Variants in YTHDF3 observed in about 807,000 individuals in gnomAD.
YTHDF3 encodes the protein YTH domain-containing family protein 3.
A neutral mutation model predicts 52.5 loss-of-function variants in YTHDF3; 9 were observed. The ratio of observed to expected loss-of-function variants is 0.17; its 90% CI spans 0.10 to 0.30. The LOEUF is 0.30. YTHDF3 is among the 10% of genes least tolerant of loss of function. The pLI is 1.00. For missense variants in YTHDF3, 534 were observed against 715.0 expected (o/e 0.75, Z 2.89); for synonymous variants, 274 against 243.3 (o/e 1.13, Z -1.18).
intron 2 of YTHDF3, 121 bp from the exon 3 acceptor site, chr8:63,175,210 A>T (rs1807605349): frequency 1.5e-6 from 1 of 676,586 alleles, no homozygotes; most frequent in Non-Finnish European, 2.5e-6. Context: ...GGTTCTTAAA[A>T]ATAACTCAGT....
At chr8:63,178,204 C>T (rs569155819) in intron 3 of YTHDF3, among the ~76,000 whole-genome samples, 7 of 152,248 alleles carry the variant, frequency 4.6e-5, no homozygotes, top group Admixed American at 4.6e-4. Context: ...AGGGTTTCTA[C>T]TGGAGGAAAA....
At chr8:63,199,774 A>ATT (rs547279541) in intron 4 of YTHDF3, among the ~76,000 whole-genome samples, 4 of 149,914 alleles carry the variant, frequency 2.7e-5, no homozygotes, top group Admixed American at 2.0e-4. Context: ...TGGCTTAAAC[A>ATT]TTTTTTTTTT....
At position 63,168,917 on chromosome 8, in the gene YTHDF3, C is replaced by T; in HGVS notation, c.24+16C>T. On this transcript the variant is annotated intron_variant, in intron 1 of 4. Transcript: ENST00000539294. ...CGTGGATCAGGTGAGGGAGCAGAGG[C>T]CCCAGGCTTGGCGAAGGCCCGAGCC... is the stretch of plus-strand genomic sequence containing the variant. The T allele has an allele frequency of 6.4e-7, 1 of 1,550,834 alleles. No individual in the cohort carries two copies. Among genetic ancestry groups the T allele is most frequent in the Non-Finnish European group, 8.7e-7 (1 of 1,147,038 alleles).
At chr8:63,189,117 A>G (rs1015189098) in intron 4 of YTHDF3, 9 of 152,336 alleles carry the variant, frequency 5.9e-5, no homozygotes, top group East Asian at 1.9e-4. Flanking sequence ...TAATTCTGTT[A>G]TATACCCTCT....
rs1808592523 is a variant in YTHDF3 at position 63,187,377 on chromosome 8, A to G, written c.1366A>G (p.Asn456Asp). ...TTTGGATGCAGCTTACCGTTCCCTG[A>G]ATGGGAAAGGCCCACTCTATTTACT... is the stretch of plus-strand genomic sequence containing the variant. ...KRLDAAYRSLNGKGPLYLLFS... is the reference protein window; with the variant it reads ...KRLDAAYRSLDGKGPLYLLFS... Residue 456 changes from asparagine (N) to aspartate (D), a missense_variant, in exon 4 of 5, where the codon AAT becomes GAT. Transcript: ENST00000539294. The G allele has an allele frequency of 6.2e-7, 1 of 1,613,852 alleles. No individual in the cohort carries two copies. Among genetic ancestry groups the G allele is most frequent in the Non-Finnish European group, 8.5e-7 (1 of 1,179,904 alleles).
At chr8:63,181,216 A>G (rs1298143477) in intron 3 of YTHDF3, among the ~76,000 whole-genome samples, 5 of 152,118 alleles carry the variant, frequency 3.3e-5, no homozygotes, top group Non-Finnish European at 4.4e-5. Flanking sequence ...TTAAATTGTC[A>G]TTTTCTGCCC....
At position 63,187,535 on chromosome 8, in the gene YTHDF3, C is replaced by G. The variant is rs376889574; in HGVS notation, c.1524C>G (p.Val508=). 1.9e-6 allele frequency: 3 copies of G among 1,613,882 alleles called. No homozygotes were observed. The highest frequency in any genetic ancestry group is 3.3e-5 in the Admixed American group (2 of 60,012). The change falls in exon 4 of 5, where the codon GTC becomes GTG. Residue 508 remains valine, a synonymous_variant. Coordinates refer to ENST00000539294, the MANE Select transcript of YTHDF3 (RefSeq NM_152758.6). Reference sequence around the variant, plus strand: ...AATTTGAAGTTAAATGGATCTTTGTCAAAGATGTTCCCAATAACCAATTAC... The same window carrying G: ...AATTTGAAGTTAAATGGATCTTTGTGAAAGATGTTCCCAATAACCAATTAC... ...KGKFEVKWIF[V]KDVPNNQLRH...
intron 4 of YTHDF3, among the ~76,000 whole-genome samples, chr8:63,191,835 T>C (rs1053652231): frequency 2.6e-5 from 4 of 152,324 alleles, no homozygotes; most frequent in Non-Finnish European, 4.4e-5. Flanking sequence ...CTCAATTCTT[T>C]GTTCCTTTTT....
chr8:63,195,488 T>A (rs556426781), intron 4 of YTHDF3, among the ~76,000 whole-genome samples: 1 of 152,276 alleles, frequency 6.6e-6, no homozygotes, highest in African/African-American at 2.4e-5. Context: ...ATCTGAAACT[T>A]CAGATTAGAG....
At chr8:63,200,679 G>A (rs1222425702) in intron 4 of YTHDF3, among the ~76,000 whole-genome samples, 1 of 152,110 alleles carries the variant, frequency 6.6e-6, no homozygotes, top group Non-Finnish European at 1.5e-5. Flanking sequence ...GGCAGTGTTT[G>A]TTATGATTAT....
intron 4 of YTHDF3, among the ~76,000 whole-genome samples, chr8:63,203,650 C>T (rs943306209): frequency 1.3e-5 from 2 of 152,126 alleles, no homozygotes; most frequent in Non-Finnish European, 2.9e-5. Flanking sequence ...TCCACATTTT[C>T]CCAGTTTTCT....
At chr8:63,182,781 C>A (rs1316967868) in intron 3 of YTHDF3, among the ~76,000 whole-genome samples, 3 of 152,036 alleles carry the variant, frequency 2.0e-5, no homozygotes, top group Admixed American at 2.0e-4. Context: ...TTATCTACTT[C>A]CCTGTATTAC....
chr8:63,171,342 C>T (rs887082966), intron 2 of YTHDF3, among the ~76,000 whole-genome samples: 1 of 152,158 alleles, frequency 6.6e-6, no homozygotes, highest in African/African-American at 2.4e-5. Flanking sequence ...CTTGTAATTA[C>T]AGTAGTTCAC....
chr8:63,188,702 T>TATATATATATATA (rs71255383), intron 4 of YTHDF3: 4 of 44,772 alleles, frequency 8.9e-5, no homozygotes, highest in East Asian at 1.1e-3. Flanking sequence ...TATATATATA[T>TATATATATATATA]TTTTTTTTTT....
intron 3 of YTHDF3, among the ~76,000 whole-genome samples, chr8:63,179,313 A>G (rs557131895): frequency 2.2e-4 from 33 of 152,202 alleles, no homozygotes; most frequent in Admixed American, 7.2e-4. Context: ...GAAGGTCAGC[A>G]GATAAACAAG....
intron 4 of YTHDF3, among the ~76,000 whole-genome samples, chr8:63,193,374 C>CAAAAA (rs758787473): frequency 1.1e-4 from 6 of 54,104 alleles, no homozygotes; most frequent in Non-Finnish European, 2.0e-4. Context: ...AGACTCCGTC[C>CAAAAA]AAAAAAAAAA....
Position 63,168,763 on chromosome 8 carries a change from G to A in YTHDF3, c.-115G>A. On this transcript the variant is annotated 5_prime_UTR_variant, in exon 1 of 5. Coordinates refer to ENST00000539294, the MANE Select transcript of YTHDF3 (RefSeq NM_152758.6). ...CATTTTGGGTTCTCAGCGAACGGCG[G>A]CAGCGGCGGCGGCTGGAACAATCAC... 2 of 1,545,218 alleles carry A rather than the reference G, an allele frequency of 1.3e-6. No homozygotes were observed. The highest frequency in any genetic ancestry group is 2.4e-5 in the South Asian group (2 of 83,894).
At chr8:63,190,913 T>G (rs1808871927) in intron 4 of YTHDF3, among the ~76,000 whole-genome samples, 1 of 152,186 alleles carries the variant, frequency 6.6e-6, no homozygotes, top group African/African-American at 2.4e-5. Context: ...TAACCCACCT[T>G]TGACAGCTCT....
intron 2 of YTHDF3, chr8:63,172,849 C>A (rs1807421103): frequency 8.3e-6 from 10 of 1,209,746 alleles, no homozygotes; most frequent in Non-Finnish European, 1.0e-5. Flanking sequence ...GACTATGGAA[C>A]TAGCTTGGAT....
Sources: allele counts gnomAD v4.1 joint callset (sites outside exome capture counted in the v4.1 genomes callset), GRCh38; gene constraint gnomAD v4.1.1; transcripts MANE v1.5; gene names NCBI Gene and HGNC (gene_info 2026-07-23, HGNC 2026-07-21).